The following CHFR variants were observed in gnomAD, a reference collection of about 807,000 sequenced individuals.
CHFR encodes E3 ubiquitin-protein ligase CHFR.
In CHFR, 57 loss-of-function variants were observed where a neutral mutation model predicts 87.6. That is an observed-to-expected ratio of 0.65 (90% CI 0.53 to 0.81). The LOEUF is 0.81. Ranked by LOEUF, CHFR falls within the 30% of genes least tolerant of loss-of-function variation. The probability of loss-of-function intolerance (pLI) is 0.00; values close to 1 mark genes in which losing one functional copy is unlikely to be tolerated. For missense variants in CHFR, 797 were observed against 865.8 expected (o/e 0.92, Z 1.00); for synonymous variants, 381 against 359.2 (o/e 1.06, Z -0.69).
intron 6 of CHFR, among the ~76,000 whole-genome samples, chr12:132,865,258 A>T (rs1455930285): frequency 6.6e-6 from 1 of 152,220 alleles, no homozygotes; most frequent in Non-Finnish European, 1.5e-5. Flanking sequence ...GCTGTGCCCA[A>T]GGGTAGGTTT....
intron 10 of CHFR, chr12:132,854,917 C>T (rs1324753909): frequency 6.6e-6 from 1 of 152,082 alleles, no homozygotes; most frequent in African/African-American, 2.4e-5. Context: ...CCAGCCTGGC[C>T]AACATGGTGA....
chr12:132,852,990 C>A (rs1044395984), intron 11 of CHFR, among the ~76,000 whole-genome samples: 2 of 152,304 alleles, frequency 1.3e-5, no homozygotes, highest in East Asian at 1.9e-4. Flanking sequence ...AGGCACCTGA[C>A]GGGGAAACAT....
At chr12:132,869,959 A>G in intron 5 of CHFR, 161 bp from the exon 6 acceptor site, 1 of 802,214 alleles carries the variant, frequency 1.2e-6, no homozygotes, top group South Asian at 1.7e-5. Flanking sequence ...CTGTAATCCC[A>G]GCACTTTGGG....
chr12:132,863,805 C>A (rs1405924611), intron 6 of CHFR, among the ~76,000 whole-genome samples: 1 of 152,164 alleles, frequency 6.6e-6, no homozygotes, highest in African/African-American at 2.4e-5. Flanking sequence ...TTCACCCAGG[C>A]TGGAATGCAG....
At chr12:132,847,880 T>C in intron 14 of CHFR, 4 of 1,415,528 alleles carry the variant, frequency 2.8e-6, no homozygotes, top group Non-Finnish European at 3.7e-6. Flanking sequence ...GAAATACCTA[T>C]TTTTGGAATA....
chr12:132,846,944 G>T, intron 15 of CHFR, 99 bp downstream of exon 15: 2 of 811,956 alleles, frequency 2.5e-6, no homozygotes, highest in South Asian at 2.8e-5. Flanking sequence ...CTCTTCCAGG[G>T]TGGGTGAAGG....
chr12:132,849,303 C>T (rs1166194843), intron 12 of CHFR: 4 of 151,544 alleles, frequency 2.6e-5, no homozygotes, highest in Admixed American at 2.6e-4. Flanking sequence ...GCACTGCACC[C>T]GGCCTCAGAC....
chr12:132,858,534 G>A (rs985540205), intron 8 of CHFR, among the ~76,000 whole-genome samples: 3 of 151,780 alleles, frequency 2.0e-5, no homozygotes, highest in East Asian at 1.9e-4. Context: ...AGACTAGCCT[G>A]GCCAACATGG....
At chr12:132,881,201 G>C (rs1330370876) in intron 2 of CHFR, among the ~76,000 whole-genome samples, 2 of 151,272 alleles carry the variant, frequency 1.3e-5, no homozygotes, top group Non-Finnish European at 2.9e-5. Context: ...GGAGGTTGCA[G>C]TGAGCTGAGA....
chr12:132,887,426 C>A, intron 1 of CHFR, 86 bp from the exon 2 acceptor site: 1 of 1,060,998 alleles, frequency 9.4e-7, no homozygotes, highest in Non-Finnish European at 1.2e-6. Context: ...GGCCCCGGCC[C>A]GGCCGCCCGC....
intron 2 of CHFR, among the ~76,000 whole-genome samples, chr12:132,878,466 C>G (rs567289002): frequency 6.2e-4 from 88 of 141,580 alleles, no homozygotes; most frequent in African/African-American, 2.1e-3. Context: ...TAGACTCCAA[C>G]TGGAAATAAA....
intron 12 of CHFR, among the ~76,000 whole-genome samples, chr12:132,850,957 G>A (rs1950927258): frequency 8.0e-6 from 1 of 124,248 alleles, no homozygotes; most frequent in Admixed American, 8.6e-5. Context: ...ATAACTGTAT[G>A]TGTGTGCATA....
intron 14 of CHFR, 21 bp downstream of exon 14, chr12:132,848,064 C>G (rs371352835): frequency 6.2e-7 from 1 of 1,613,830 alleles, no homozygotes; most frequent in East Asian, 2.2e-5. Context: ...CCCGGCTCCC[C>G]AGCCCGCAGC....
At chr12:132,859,972 G>A (rs976906685) in intron 7 of CHFR, among the ~76,000 whole-genome samples, 3 of 152,174 alleles carry the variant, frequency 2.0e-5, no homozygotes, top group South Asian at 4.1e-4. Context: ...CTGAGCCCAG[G>A]AGGTGGAGGC....
rs980130702 is a variant in CHFR at position 132,837,640 on chromosome 12, G to A, written c.*3914C>T. The A allele has an allele frequency of 1.3e-5, 2 of 152,366 alleles. No homozygotes were observed. Among genetic ancestry groups the A allele is most frequent in the African/African-American group, 2.4e-5 (1 of 41,472 alleles). The allele number at this position is 152,366 out of a possible 1,614,324, so 9.4% of individuals were successfully genotyped here. On this transcript the variant is annotated 3_prime_UTR_variant, in exon 18 of 18. Transcript: ENST00000450056. Reference sequence around the variant, plus strand: ...AATAATGGCTGTCTACCAGTTACCAGCACTAGGCGTTTCTGGAGGTGGCTC... The same window carrying A: ...AATAATGGCTGTCTACCAGTTACCAACACTAGGCGTTTCTGGAGGTGGCTC...
intron 2 of CHFR, among the ~76,000 whole-genome samples, chr12:132,878,049 A>G (rs1321337639): frequency 6.6e-6 from 1 of 151,836 alleles, no homozygotes; most frequent in East Asian, 1.9e-4. Flanking sequence ...TGATCTGCCC[A>G]CCTTGGCCTC....
chr12:132,843,075 T>C lies in CHFR; in HGVS notation c.1852A>G (p.Thr618Ala), dbSNP rs1425682767. 1.2e-6 allele frequency: 2 copies of C among 1,613,130 alleles called. No homozygotes were observed. The highest frequency in any genetic ancestry group is 1.7e-6 in the Non-Finnish European group (2 of 1,179,670). ...CCCCAGTAGCAGTCAGGACGGGATG[T>C]TACGGCCACTGGAAAAAGAGAAGGG... ...IPASELPVAV[T>A]SRPDCYWGRN... Residue 618 changes from threonine to alanine, a missense_variant, in exon 17 of 18, where the codon ACA becomes GCA. Physicochemically the swap from Thr to Ala is moderately conservative, Grantham distance 58. This residue lies in a region of CHFR where 200 missense variants were observed against 264.6 expected (regional missense o/e 0.76). Coordinates refer to ENST00000450056, the MANE Select transcript of CHFR (RefSeq NM_001161346.2).
At chr12:132,886,610 TG>T (rs1359078904) in intron 2 of CHFR, among the ~76,000 whole-genome samples, 113 of 152,292 alleles carry the variant, frequency 7.4e-4, no homozygotes, top group African/African-American at 2.6e-3. Flanking sequence ...TCTCACCCGT[TG>T]TATGACTTTG....
chr12:132,842,037 G>A (rs1950713067), intron 17 of CHFR, among the ~76,000 whole-genome samples: 1 of 148,716 alleles, frequency 6.7e-6, no homozygotes, highest in Non-Finnish European at 1.5e-5. Flanking sequence ...TTGAACCTGG[G>A]AGGCAGGGTT....
Sources: gnomAD v4.1 joint callset for allele counts (sites outside exome capture counted in the v4.1 genomes callset) on GRCh38, gnomAD v4.1.1 for gene constraint, gnomAD v4.1.1 regional missense constraint, MANE v1.5 for transcripts, NCBI Gene and HGNC (gene_info 2026-07-23, HGNC 2026-07-21) for gene names.